Variants in THSD7B observed in about 807,000 individuals in gnomAD.
THSD7B encodes thrombospondin type-1 domain-containing protein 7B.
A neutral mutation model predicts 213.6 loss-of-function variants in THSD7B; 138 were observed. The observed-to-expected ratio is 0.65, with a 90% CI of 0.56 to 0.74. The LOEUF (loss-of-function observed/expected upper bound fraction) is 0.74. Ranked by LOEUF, THSD7B falls within the 30% of genes least tolerant of loss-of-function variation. The pLI is 0.00. For missense variants in THSD7B, 1,931 were observed against 1,991.5 expected, an observed-to-expected ratio of 0.97 and a Z score of 0.58; for synonymous variants, 742 against 687.0, an observed-to-expected ratio of 1.08 and a Z score of -1.25.
At chr2:137,496,022 G>GTCTC (rs112638060) in intron 15 of THSD7B, among the ~76,000 whole-genome samples, 1 of 151,890 alleles carries the variant, frequency 6.6e-6, no homozygotes, top group Admixed American at 6.6e-5. Context: ...AATTATTGGG[G>GTCTC]TATCTGTTTT....
chr2:137,293,675 A>G (rs1209060), intron 12 of THSD7B, among the ~76,000 whole-genome samples: 94,819 of 151,790 alleles, frequency 0.62, 30,320 homozygotes, highest in East Asian at 0.94. Flanking sequence ...AATTACTCTG[A>G]AATTTTCCCA....
chr2:137,336,542 C>T (rs1684642803), intron 12 of THSD7B, among the ~76,000 whole-genome samples: 1 of 152,134 alleles, frequency 6.6e-6, no homozygotes, highest in South Asian at 2.1e-4. Flanking sequence ...GGATGGGTTT[C>T]ATATCAAACC....
chr2:136,849,762 A>G (rs1558825389), intron 1 of THSD7B, among the ~76,000 whole-genome samples: 1 of 152,162 alleles, frequency 6.6e-6, no homozygotes, highest in Non-Finnish European at 1.5e-5. Flanking sequence ...CCTGAATAAT[A>G]TTTAGAAAAA....
At chr2:137,460,469 T>C (rs1687862424) in intron 15 of THSD7B, among the ~76,000 whole-genome samples, 1 of 152,162 alleles carries the variant, frequency 6.6e-6, no homozygotes, top group African/African-American at 2.4e-5. Context: ...ATTATGCAGA[T>C]TGCTCCTCTT....
intron 12 of THSD7B, among the ~76,000 whole-genome samples, chr2:137,368,756 G>A (rs1432388168): frequency 6.6e-6 from 1 of 152,042 alleles, no homozygotes; most frequent in Non-Finnish European, 1.5e-5. Context: ...AGACTGTGTT[G>A]AATTTTAGCC....
At chr2:136,889,937 G>A (rs1019329506) in intron 2 of THSD7B, among the ~76,000 whole-genome samples, 10 of 152,144 alleles carry the variant, frequency 6.6e-5, no homozygotes, top group African/African-American at 2.4e-4. Context: ...GGGTGTACTG[G>A]AAGTAATTTT....
intron 4 of THSD7B, among the ~76,000 whole-genome samples, chr2:137,099,278 G>A (rs1365531149): frequency 6.6e-6 from 1 of 152,000 alleles, no homozygotes; most frequent in African/African-American, 2.4e-5. Flanking sequence ...TTGGCACTTG[G>A]GCACTTTCCT....
chr2:137,392,676 G>A (rs1686061077), intron 12 of THSD7B, among the ~76,000 whole-genome samples: 1 of 151,952 alleles, frequency 6.6e-6, no homozygotes, highest in African/African-American at 2.4e-5. Context: ...TATATGGTTG[G>A]ATCATCTTTT....
intron 2 of THSD7B, chr2:136,991,082 A>T (rs1256839566): frequency 1.7e-5 from 10 of 584,170 alleles, no homozygotes; most frequent in Non-Finnish European, 2.7e-5. Flanking sequence ...AATGAAGTTC[A>T]ATAGAAAGGC....
At chr2:137,309,208 AT>A (rs1683828804) in intron 12 of THSD7B, among the ~76,000 whole-genome samples, 1 of 152,018 alleles carries the variant, frequency 6.6e-6, no homozygotes, top group Admixed American at 6.6e-5. Context: ...AGGAAAACTC[AT>A]TTTTGTACTT....
intron 16 of THSD7B, among the ~76,000 whole-genome samples, chr2:137,565,490 A>C (rs1057250830): frequency 7.2e-5 from 11 of 152,308 alleles, no homozygotes; most frequent in African/African-American, 2.4e-4. Flanking sequence ...ACTCACTTGC[A>C]TAAGAACTCA....
intron 12 of THSD7B, among the ~76,000 whole-genome samples, chr2:137,372,237 G>T (rs1042226171): frequency 6.6e-6 from 1 of 150,948 alleles, no homozygotes; most frequent in African/African-American, 2.4e-5. Flanking sequence ...AGATGGCAAG[G>T]AGTTTCAGCA....
chr2:136,890,302 T>TCC (rs60850460), intron 2 of THSD7B, among the ~76,000 whole-genome samples: 3 of 19,282 alleles, frequency 1.6e-4, no homozygotes, highest in Admixed American at 4.7e-4. Context: ...CATGTCCTAC[T>TCC]CCTTCTTCTT....
At chr2:137,379,827 C>T (rs779601509) in intron 12 of THSD7B, among the ~76,000 whole-genome samples, 23 of 152,178 alleles carry the variant, frequency 1.5e-4, no homozygotes, top group Non-Finnish European at 7.3e-5. Context: ...GCTAGCTGTC[C>T]ACCTTCCCTG....
chr2:136,842,840 G>A (rs1682939280), intron 1 of THSD7B, among the ~76,000 whole-genome samples: 1 of 152,136 alleles, frequency 6.6e-6, no homozygotes, highest in Admixed American at 6.5e-5. Flanking sequence ...CTTTCTCTAT[G>A]AAGTGGGATG....
Position 137,605,614 on chromosome 2 carries a change from A to G in THSD7B, c.3424-10561A>G, listed in dbSNP as rs1011072610. Among the ~76,000 whole-genome samples the G allele has an allele frequency of 1.6e-4, 24 of 147,332 alleles. 1 individual carries two copies. Among genetic ancestry groups the G allele is most frequent in the African/African-American group, 6.0e-4 (24 of 40,152 alleles). ...CATAGTGTTAAAAGTAAAAAAGCCA[A>G]GGGTATTAAAAAAGCATATATTGGC... On this transcript the variant is annotated intron_variant, in intron 17 of 27. Coordinates refer to ENST00000409968, the MANE Select transcript of THSD7B (RefSeq NM_001316349.2).
At chr2:136,844,492 G>GAC (rs1316419515) in intron 1 of THSD7B, among the ~76,000 whole-genome samples, 7 of 141,470 alleles carry the variant, frequency 4.9e-5, no homozygotes, top group Non-Finnish European at 9.2e-5. Context: ...GAGAGAGAGA[G>GAC]AGACAGAGAG....
intron 3 of THSD7B, among the ~76,000 whole-genome samples, chr2:137,077,017 T>C (rs1278393716): frequency 1.6e-5 from 2 of 127,686 alleles, no homozygotes; most frequent in Non-Finnish European, 1.6e-5. Flanking sequence ...GATGTTCCTC[T>C]TCCTGTTTCC....
intron 5 of THSD7B, among the ~76,000 whole-genome samples, chr2:137,121,523 T>A (rs970594768): frequency 6.6e-6 from 1 of 152,184 alleles, no homozygotes; most frequent in African/African-American, 2.4e-5. Flanking sequence ...GAAGGGAGAT[T>A]ATGAATGACC....
Sources: allele counts gnomAD v4.1 joint callset (sites outside exome capture counted in the v4.1 genomes callset), GRCh38; gene constraint gnomAD v4.1.1; transcripts MANE v1.5; gene names NCBI Gene and HGNC (gene_info 2026-07-23, HGNC 2026-07-21).